Variants in XRRA1 observed in about 807,000 individuals in gnomAD.
XRRA1 encodes X-ray radiation resistance-associated protein 1.
XRRA1 carries 69 observed loss-of-function variants against 80.2 expected under a neutral mutation model. The ratio of observed to expected loss-of-function variants is 0.86; its 90% CI spans 0.71 to 1.05. XRRA1 has a LOEUF of 1.05. Ranked by LOEUF, XRRA1 falls within the 50% of genes least tolerant of loss-of-function variation. XRRA1 has a pLI of 0.00. For synonymous variants in XRRA1, 348 were observed against 389.9 expected, an observed-to-expected ratio of 0.89 and a Z score of 1.27; for missense variants, 967 against 976.4, an observed-to-expected ratio of 0.99 and a Z score of 0.13.
intron 9 of XRRA1, chr11:74,906,726 T>G (rs1374179073): frequency 2.1e-6 from 1 of 481,556 alleles, no homozygotes; most frequent in Admixed American, 3.8e-5. Context: ...AAATGGTAGT[T>G]GAAACCAAAG....
At chr11:74,889,254 A>T (rs1591066085) in intron 10 of XRRA1, among the ~76,000 whole-genome samples, 2 of 152,290 alleles carry the variant, frequency 1.3e-5, no homozygotes, top group African/African-American at 4.8e-5. Flanking sequence ...AATATTCAAC[A>T]TTCTTAAAGA....
At chr11:74,926,971 T>A (rs1339254956) in intron 7 of XRRA1, among the ~76,000 whole-genome samples, 1 of 151,542 alleles carries the variant, frequency 6.6e-6, no homozygotes, top group Non-Finnish European at 1.5e-5. Context: ...CTATAATGTC[T>A]CTAGTTCAGC....
intron 10 of XRRA1, among the ~76,000 whole-genome samples, chr11:74,883,814 C>T (rs779109195): frequency 4.4e-4 from 67 of 152,234 alleles, no homozygotes; most frequent in Middle Eastern, 6.8e-3. Flanking sequence ...AAATATGATA[C>T]AGGGGGTAGA....
intron 8 of XRRA1, 66 bp from the exon 9 acceptor site, chr11:74,907,339 C>G: frequency 6.3e-7 from 1 of 1,590,424 alleles, no homozygotes; most frequent in Non-Finnish European, 8.6e-7. Flanking sequence ...TCCCAGGAAG[C>G]CATGGAGGAC....
intron 10 of XRRA1, among the ~76,000 whole-genome samples, chr11:74,894,307 A>G (rs1466464710): frequency 6.6e-6 from 1 of 152,222 alleles, no homozygotes; most frequent in Non-Finnish European, 1.5e-5. Context: ...CTACCTGTCC[A>G]GTACTATTCT....
chr11:74,850,098 G>C (rs193216058), intron 14 of XRRA1, among the ~76,000 whole-genome samples: 8 of 152,306 alleles, frequency 5.3e-5, no homozygotes, highest in Non-Finnish European at 1.2e-4. Context: ...AACTCATTTA[G>C]CTCAAAGGTT....
chr11:74,907,130 G>C lies in XRRA1; in HGVS notation c.785+15C>G. On this transcript the variant is annotated intron_variant, in intron 9 of 18. Transcript: ENST00000684022. ...GATTAGAGGAGGCCCAGCAGAGAAA[G>C]GCTTATGGCTTTACCTCCTGAGCCC... 6.2e-7 allele frequency: 1 copy of C among 1,613,162 alleles called. No individual in the cohort carries two copies. Among genetic ancestry groups the C allele is most frequent in the Non-Finnish European group, 8.5e-7 (1 of 1,179,812 alleles).
intron 12 of XRRA1, among the ~76,000 whole-genome samples, chr11:74,855,280 G>A (rs1318127522): frequency 6.6e-6 from 1 of 151,830 alleles, no homozygotes; most frequent in Non-Finnish European, 1.5e-5. Flanking sequence ...TGCAAATCAA[G>A]GGGTCAAGAG....
In XRRA1 at chr11:74,904,085, C is replaced by T. The variant is rs116721853; in HGVS notation, c.1003+2154G>A. Among the ~76,000 whole-genome samples, 961 of 152,072 alleles carry T rather than the reference C, an allele frequency of 6.3e-3. 11 individuals are homozygous for T. The highest frequency in any genetic ancestry group is 0.022 in the African/African-American group (929 of 41,448). On this transcript the variant is annotated intron_variant, in intron 10 of 18. Transcript: ENST00000684022. The stretch of plus-strand genomic sequence containing the variant: ...ATACATATGTACACATGATAAAGAA[C>T]CTAAGAATGAGGTTCAATCTTTCAG...
In XRRA1 at chr11:74,851,151, T is replaced by G. The variant is rs747601755; in HGVS notation, c.1317A>C (p.Leu439Phe). ...TAGGCTTTACTATCTTCCTTCGAAT[T>G]AAGTGGATTCCCAGTCGCTCCTGGA... is the stretch of plus-strand genomic sequence containing the variant. The part of the protein sequence containing the change: ...SFLQERLGIH[L>F]IRRKIVKPKH... Residue 439 changes from leucine (L) to phenylalanine (F), a missense_variant, in exon 14 of 19, where the codon TTA (leucine) becomes TTC (phenylalanine). Transcript: ENST00000684022. The G allele has an allele frequency of 8.7e-6, 14 of 1,613,032 alleles. No homozygotes were observed. In the Admixed American group the frequency reaches 2.3e-4, roughly 27 times the overall value.
intron 10 of XRRA1, among the ~76,000 whole-genome samples, chr11:74,866,818 T>C (rs2043550734): frequency 1.3e-5 from 2 of 150,374 alleles, no homozygotes; most frequent in African/African-American, 4.9e-5. Context: ...GGAAGAAGAA[T>C]GAAAAGGAAT....
intron 10 of XRRA1, among the ~76,000 whole-genome samples, chr11:74,878,291 C>A (rs1427608324): frequency 6.6e-6 from 1 of 151,678 alleles, no homozygotes; most frequent in African/African-American, 2.4e-5. Context: ...ATATCCTTTG[C>A]CCACTTTTTG....
intron 5 of XRRA1, 76 bp downstream of exon 5, chr11:74,933,725 G>C: frequency 7.1e-7 from 1 of 1,401,384 alleles, no homozygotes; most frequent in Non-Finnish European, 9.9e-7. Flanking sequence ...GGAGGTGCAA[G>C]AGACAAACCA....
chr11:74,920,005 G>A (rs602411), intron 8 of XRRA1: 52,281 of 130,636 alleles, frequency 0.4, 9,842 homozygotes, highest in Middle Eastern at 0.49. Flanking sequence ...TTATAAAACT[G>A]CAAAAAAAAA....
intron 10 of XRRA1, among the ~76,000 whole-genome samples, chr11:74,895,803 A>G (rs2052155066): frequency 6.6e-6 from 1 of 152,138 alleles, no homozygotes; most frequent in Admixed American, 6.5e-5. Context: ...ACATTTCTAA[A>G]CACACTCTTG....
intron 16 of XRRA1, 128 bp from the exon 17 acceptor site, chr11:74,844,411 A>T: frequency 1.5e-6 from 1 of 675,558 alleles, no homozygotes; most frequent in Non-Finnish European, 2.6e-6. Context: ...CCCAAAAGAA[A>T]ACACTGCCCC....
chr11:74,881,120 G>C (rs1370985392), intron 10 of XRRA1, among the ~76,000 whole-genome samples: 3 of 147,052 alleles, frequency 2.0e-5, no homozygotes, highest in East Asian at 2.0e-4. Context: ...GGTCACTCAG[G>C]ACTTGCTTTA....
At chr11:74,927,715 T>C (rs1427349812) in intron 6 of XRRA1, among the ~76,000 whole-genome samples, 1 of 152,330 alleles carries the variant, frequency 6.6e-6, no homozygotes, top group African/African-American at 2.4e-5. Flanking sequence ...CAGAATGGAA[T>C]TGCTGGTAAG....
At chr11:74,856,647 C>T (rs1265105505) in intron 12 of XRRA1, among the ~76,000 whole-genome samples, 3 of 152,206 alleles carry the variant, frequency 2.0e-5, no homozygotes, top group Non-Finnish European at 4.4e-5. Flanking sequence ...GAGTAAACCC[C>T]TTTAAGCTGC....
Sources: gnomAD v4.1 joint callset for allele counts (sites outside exome capture counted in the v4.1 genomes callset) on GRCh38, gnomAD v4.1.1 for gene constraint, MANE v1.5 for transcripts, NCBI Gene and HGNC (gene_info 2026-07-23, HGNC 2026-07-21) for gene names.